KIAA1671: variants seen among roughly 807,000 people sequenced by gnomAD.
KIAA1671 encodes the protein uncharacterized protein KIAA1671.
KIAA1671 carries 52 observed loss-of-function variants against 131.2 expected under a neutral mutation model. The ratio of observed to expected loss-of-function variants is 0.40; its 90% CI spans 0.32 to 0.50. The LOEUF (loss-of-function observed/expected upper bound fraction) is 0.50. Ranked by LOEUF, KIAA1671 falls within the 20% of genes least tolerant of loss-of-function variation. The pLI is 0.73. For synonymous variants in KIAA1671, 1,003 were observed against 961.6 expected (o/e 1.04, Z -0.80); for missense variants, 2,360 against 2,364.2 (o/e 1.00, Z 0.04).
chr22:25,169,021 C>A (rs1933747309), intron 6 of KIAA1671, among the ~76,000 whole-genome samples: 1 of 152,116 alleles, frequency 6.6e-6, no homozygotes, highest in African/African-American at 2.4e-5. Flanking sequence ...GCCTCCTGAT[C>A]TCAAATGGAA....
intron 1 of KIAA1671, among the ~76,000 whole-genome samples, chr22:25,005,878 G>A (rs1206963161): frequency 6.6e-6 from 1 of 152,158 alleles, no homozygotes; most frequent in Non-Finnish European, 1.5e-5. Flanking sequence ...TCCTCTCTCT[G>A]AGCCTCAGTT....
chr22:25,040,918 C>T lies in KIAA1671; in HGVS notation c.3788C>T (p.Ala1263Val). Residue 1263 changes from alanine to valine, a missense_variant, in exon 5 of 13, where the codon GCC becomes GTC. By Grantham distance (64) the Ala-to-Val change is moderately conservative (BLOSUM62 0). Transcript: ENST00000358431. ...GATACCGGGGGTCTCTGGAAACCGG[C>T]CAGTTCTGCCGAAATAAATCACAGT... ...MPDTGGLWKP[A>V]SSAEINHSFT... The T allele has an allele frequency of 6.7e-7, 1 of 1,496,978 alleles. No homozygotes were observed. The highest frequency in any genetic ancestry group is 8.9e-7 in the Non-Finnish European group (1 of 1,123,116). The allele number at this position is 1,496,978 out of a possible 1,614,324, so 92.7% of individuals were successfully genotyped here. A position where few individuals can be genotyped will look rare whatever the true frequency, so the allele number is the denominator to read the frequency against.
Position 25,040,443 on chromosome 22 carries a change from C to CCAACAGACCGTCCAT in KIAA1671, c.3316_3330dup (p.Thr1106_Ser1110dup), listed in dbSNP as rs1454578335. On this transcript the variant is annotated inframe_insertion, in exon 5 of 13. Coordinates refer to ENST00000358431, the MANE Select transcript of KIAA1671 (RefSeq NM_001145206.2). The stretch of plus-strand genomic sequence containing the variant: ...TGCAAGCATTTTAAAAACTCTGAAG[C>CCAACAGACCGTCCAT]CAACAGACCGTCCATCATCTCTTGG... 4.5e-6 allele frequency: 7 copies of CCAACAGACCGTCCAT among 1,551,900 alleles called. No individual in the cohort carries two copies. The African/African-American group carries it at 9.6e-5, about 21-fold the overall frequency.
intron 6 of KIAA1671, among the ~76,000 whole-genome samples, chr22:25,073,894 A>G (rs1928958895): frequency 1.3e-5 from 2 of 152,276 alleles, no homozygotes; most frequent in African/African-American, 2.4e-5. Flanking sequence ...GGGTTTCACC[A>G]TATTGGTCAG....
At position 25,177,419 on chromosome 22, in the gene KIAA1671, C is replaced by T; in HGVS notation, c.4971C>T (p.Ala1657=). 4 of 1,551,772 alleles carry T rather than the reference C, an allele frequency of 2.6e-6. No individual in the cohort carries two copies. The highest frequency in any genetic ancestry group is 2.6e-6 in the Non-Finnish European group (3 of 1,147,022). Reference sequence around the variant, plus strand: ...TCAGCAAGAGAAGCCGCCGCCGGGCCCCCATCTCCCACTCCCTCCGGCGCA... The same window carrying T: ...TCAGCAAGAGAAGCCGCCGCCGGGCTCCCATCTCCCACTCCCTCCGGCGCA... ...VQLSKRSRRR[A]PISHSLRRSR... The change falls in exon 9 of 13, where the codon GCC becomes GCT. Residue 1657 remains alanine (A), a synonymous_variant. Transcript: ENST00000358431.
intron 6 of KIAA1671, among the ~76,000 whole-genome samples, chr22:25,066,371 A>G (rs1223166014): frequency 6.6e-6 from 1 of 152,008 alleles, no homozygotes; most frequent in African/African-American, 2.4e-5. Context: ...CTGGTCTTGA[A>G]CTTCTCACCT....
intron 10 of KIAA1671, among the ~76,000 whole-genome samples, chr22:25,184,507 T>C (rs904915836): frequency 2.0e-5 from 3 of 152,222 alleles, no homozygotes; most frequent in Non-Finnish European, 2.9e-5. Context: ...CACCATTGTA[T>C]TCCATTCCCA....
At chr22:25,025,834 G>A (rs1925919724) in intron 2 of KIAA1671, 50 bp downstream of exon 2, 1 of 152,244 alleles carries the variant, frequency 6.6e-6, no homozygotes, top group Admixed American at 6.5e-5. Flanking sequence ...AGTGTCCAAG[G>A]GCATGGAGAG....
intron 1 of KIAA1671, among the ~76,000 whole-genome samples, chr22:24,971,468 G>T (rs63376960): frequency 0.21 from 31,706 of 152,028 alleles, 4,096 homozygotes; most frequent in African/African-American, 0.36. Context: ...CTTGAGAAAA[G>T]CTCCTTGTTT....
chr22:25,037,811 G>A (rs1012630901), intron 4 of KIAA1671, among the ~76,000 whole-genome samples: 3 of 151,800 alleles, frequency 2.0e-5, no homozygotes, highest in Non-Finnish European at 4.4e-5. Context: ...ATTCATCCAC[G>A]GTGTAGGATG....
rs1934856065 is a variant in KIAA1671, at chr22:25,197,208, C to T, written c.*4807C>T. On this transcript the variant is annotated 3_prime_UTR_variant, in exon 13 of 13. Coordinates refer to ENST00000358431, the MANE Select transcript of KIAA1671 (RefSeq NM_001145206.2). The stretch of plus-strand genomic sequence containing the variant: ...ATCTCTAACCGTGTGACTGAGAAGT[C>T]ATCTAGAAAAACTTATATTTTTAAT... 1 of 152,156 alleles carries T rather than the reference C, an allele frequency of 6.6e-6. No homozygotes were observed. The highest frequency in any genetic ancestry group is 2.1e-4 in the South Asian group (1 of 4,822). The allele number at this position is 152,156 out of a possible 1,614,324, so 9.4% of individuals were successfully genotyped here. A position where few individuals can be genotyped will look rare whatever the true frequency, so the allele number is the denominator to read the frequency against.
At chr22:25,047,796 T>A (rs1006504324) in intron 5 of KIAA1671, among the ~76,000 whole-genome samples, 3 of 152,266 alleles carry the variant, frequency 2.0e-5, no homozygotes, top group Admixed American at 6.5e-5. Flanking sequence ...TGGTACCCTT[T>A]AAAGCACAAA....
chr22:25,028,501 A>G lies in KIAA1671; in HGVS notation c.502A>G (p.Lys168Glu), dbSNP rs1926087092. The change falls in exon 3 of 13, where the codon AAG becomes GAG. Residue 168 changes from lysine to glutamate, a missense_variant. By Grantham distance (56) the Lys-to-Glu change is moderately conservative (BLOSUM62 1). Around this residue, in one of 3 missense-constraint regions of KIAA1671, gnomAD observed 1,185 missense variants for 1,126.2 expected, o/e 1.05. Transcript: ENST00000358431. ...GGTTAGTGAGGGGGCGGAGGAGGCC[A>G]AGCTAGGTGTGTCCGGCTCCCGGCC... ...KAVSEGAEEAKLGVSGSRPEV... is the reference protein window; with the variant it reads ...KAVSEGAEEAELGVSGSRPEV... The G allele has an allele frequency of 1.3e-6, 2 of 1,549,210 alleles. No individual in the cohort carries two copies. Among genetic ancestry groups the G allele is most frequent in the Admixed American group, 2.0e-5 (1 of 50,884 alleles).
intron 6 of KIAA1671, among the ~76,000 whole-genome samples, chr22:25,154,960 AT>A (rs1205457194): frequency 7.2e-5 from 11 of 152,120 alleles, no homozygotes; most frequent in Admixed American, 6.5e-4. Context: ...CTTCCCTGAT[AT>A]CCCCACCTGT....
At chr22:25,120,119 TG>T (rs1931860817) in intron 6 of KIAA1671, among the ~76,000 whole-genome samples, 1 of 152,172 alleles carries the variant, frequency 6.6e-6, no homozygotes, top group Non-Finnish European at 1.5e-5. Flanking sequence ...TTCAAAGAAC[TG>T]GGGTCCAGCT....
intron 6 of KIAA1671, among the ~76,000 whole-genome samples, chr22:25,113,563 G>C (rs537334293): frequency 2.0e-5 from 3 of 152,306 alleles, no homozygotes; most frequent in African/African-American, 7.2e-5. Context: ...AGGGCTCACA[G>C]CTGCCCTGCC....
At chr22:24,964,069 C>T (rs2123802266) in intron 1 of KIAA1671, among the ~76,000 whole-genome samples, 2 of 152,244 alleles carry the variant, frequency 1.3e-5, no homozygotes, top group East Asian at 3.9e-4. Context: ...TGGCTCACAT[C>T]TGTAATCCCA....
Position 25,192,898 on chromosome 22 carries a change from A to G in KIAA1671, c.*497A>G, listed in dbSNP as rs894716865. The G allele has an allele frequency of 1.3e-5, 2 of 151,710 alleles. No individual in the cohort carries two copies. Among genetic ancestry groups the G allele is most frequent in the Admixed American group, 6.6e-5 (1 of 15,256 alleles). 9.4% of individuals were successfully genotyped at this position (151,710 alleles called of 1,614,324 possible). A position where few individuals can be genotyped will look rare whatever the true frequency, so the allele number is the denominator to read the frequency against. On this transcript the variant is annotated 3_prime_UTR_variant, in exon 13 of 13. Coordinates refer to ENST00000358431, the MANE Select transcript of KIAA1671 (RefSeq NM_001145206.2). ...TTCTGCTGTAGTCTCGGTGCAGGGT[A>G]TTACCGCTGGGTTGAGGTTTTCTAT...
intron 6 of KIAA1671, among the ~76,000 whole-genome samples, chr22:25,084,358 C>T (rs1929580765): frequency 6.6e-6 from 1 of 151,296 alleles, no homozygotes; most frequent in African/African-American, 2.4e-5. Flanking sequence ...GCCTGTAATC[C>T]CAGCTACTCA....
Sources: gnomAD v4.1 joint callset for allele counts (sites outside exome capture counted in the v4.1 genomes callset) on GRCh38, gnomAD v4.1.1 for gene constraint, gnomAD v4.1.1 regional missense constraint, MANE v1.5 for transcripts, NCBI Gene and HGNC (gene_info 2026-07-23, HGNC 2026-07-21) for gene names.